The following SHANK2 variants were observed in gnomAD, a reference collection of about 807,000 sequenced individuals.
SHANK2 encodes SH3 and multiple ankyrin repeat domains protein 2.
In SHANK2, 43 loss-of-function variants were observed where a neutral mutation model predicts 133.7. The ratio of observed to expected loss-of-function variants is 0.32; its 90% confidence interval spans 0.25 to 0.41. The LOEUF (loss-of-function observed/expected upper bound fraction) is 0.41. Among genes scored for constraint, SHANK2 ranks in the 10% least tolerant of loss-of-function variants. The pLI, the probability that SHANK2 is intolerant of heterozygous loss-of-function variation, is 1.00. For synonymous variants in SHANK2, 1,017 were observed against 952.8 expected (o/e 1.07, Z -1.24); for missense variants, 1,994 against 2,235.8 (o/e 0.89, Z 2.18).
At position 71,175,545 on chromosome 11, in the gene SHANK2, GGAGAGGGAGAGAGAGAGAGAGAGA is replaced by G. The variant is rs782567636; in HGVS notation, c.-12-28231_-12-28208del. ...GACAGACAGACAGACAGAGGGAGAG[GGAGAGGGAGAGAGAGAGAGAGAGA>G]GAGAGAGAGAGAGAGAGAGAGAGAG... On this transcript the variant is annotated intron_variant, in intron 2 of 25. Coordinates refer to ENST00000601538, the MANE Select transcript of SHANK2 (RefSeq NM_012309.5). The surrounding 1 kb of genome is among the most constrained non-coding windows in gnomAD (Gnocchi z 4.2). Among the ~76,000 whole-genome samples the G allele has an allele frequency of 4.0e-4, 32 of 79,358 alleles. 1 individual carries two copies. The highest frequency in any genetic ancestry group is 1.0e-3 in the East Asian group (3 of 2,934). 52.1% of individuals were successfully genotyped at this position (79,358 alleles called of 152,430 possible). A position where few individuals can be genotyped will look rare whatever the true frequency, so the allele number is the denominator to read the frequency against.
At chr11:70,635,628 G>A (rs2061065252) in intron 17 of SHANK2, 1 of 152,146 alleles carries the variant, frequency 6.6e-6, no homozygotes, top group Non-Finnish European at 1.5e-5. Context: ...TCTGGAGATG[G>A]ATGGTGGTGA....
At chr11:70,767,697 G>C (rs1295615729) in intron 14 of SHANK2, among the ~76,000 whole-genome samples, 4 of 152,110 alleles carry the variant, frequency 2.6e-5, no homozygotes, top group African/African-American at 7.2e-5. Flanking sequence ...CCAGGGGTGG[G>C]GGGGGCATGA....
In SHANK2 at chr11:70,472,704, AC is replaced by A; in HGVS notation, c.*164del. The stretch of plus-strand genomic sequence containing the variant: ...CACATGGTGAGCCAGGGGTCTGAAG[AC>A]CCAGCCATGTTGTGGACACAACTCA... On this transcript the variant is annotated 3_prime_UTR_variant, in exon 26 of 26. Coordinates refer to ENST00000601538, the MANE Select transcript of SHANK2 (RefSeq NM_012309.5). This position sits in a 1 kb window ranked among gnomAD's most constrained non-coding sequence, Gnocchi z 4.4. 1 of 715,534 alleles carries A rather than the reference AC, an allele frequency of 1.4e-6. No individual in the cohort carries two copies. The allele number at this position is 715,534 out of a possible 1,614,324, so 44.3% of individuals were successfully genotyped here.
At chr11:70,800,812 T>A (rs1356500065) in intron 13 of SHANK2, among the ~76,000 whole-genome samples, 1 of 152,196 alleles carries the variant, frequency 6.6e-6, no homozygotes, top group Non-Finnish European at 1.5e-5. Context: ...AACCCCGGGC[T>A]GCAAAGGGAG....
chr11:70,790,468 A>G (rs1020436275), intron 14 of SHANK2, among the ~76,000 whole-genome samples: 2 of 152,166 alleles, frequency 1.3e-5, no homozygotes, highest in Non-Finnish European at 2.9e-5. Context: ...GCTTGAAGTC[A>G]ACATTTTTCT....
chr11:70,601,978 T>C (rs1462316130), intron 17 of SHANK2, among the ~76,000 whole-genome samples: 1 of 152,204 alleles, frequency 6.6e-6, no homozygotes, highest in Non-Finnish European at 1.5e-5. Flanking sequence ...AAATCTCAAG[T>C]TGAAATCTAA....
Position 70,486,623 on chromosome 11 carries a change from C to T in SHANK2, c.3670G>A (p.Asp1224Asn). 7 of 1,613,406 alleles carry T rather than the reference C, an allele frequency of 4.3e-6. No homozygotes were observed. The highest frequency in any genetic ancestry group is 5.1e-6 in the Non-Finnish European group (6 of 1,180,026). Residue 1224 changes from aspartate (D) to asparagine (N), a missense_variant, in exon 25 of 26, where the codon GAC becomes AAC. Asp to Asn is a conservative substitution (Grantham distance 23, BLOSUM62 1). Transcript: ENST00000601538. The surrounding 1 kb of genome is among the most constrained non-coding windows in gnomAD (Gnocchi z 8.0). ...SPLALALSARDRAMKESQQGP... is the reference protein window; with the variant it reads ...SPLALALSARNRAMKESQQGP... ...TGTTGAGACTCCTTCATGGCTCGGT[C>T]CCTTGCGGAGAGTGCCAGGGCCAGC...
chr11:71,152,604 G>A (rs1555108307), intron 2 of SHANK2, among the ~76,000 whole-genome samples: 2 of 152,194 alleles, frequency 1.3e-5, no homozygotes, highest in African/African-American at 4.8e-5. Context: ...CCTTGGTACC[G>A]GCTCTGGGGG....
In SHANK2 at chr11:71,165,179, A is replaced by T. The variant is rs1953115942; in HGVS notation, c.-12-17841T>A. On this transcript the variant is annotated intron_variant, in intron 2 of 25. Coordinates refer to ENST00000601538, the MANE Select transcript of SHANK2 (RefSeq NM_012309.5). ...CTCCCAAGAAGCTGGGATTACAGGC[A>T]TGTGCCACCACACCCAGCTAATTTT... 2.0e-5 allele frequency among the ~76,000 whole-genome samples: 3 copies of T among 152,090 alleles called. No homozygotes were observed. In the South Asian group the frequency reaches 6.2e-4, roughly 32 times the overall value.
At chr11:70,491,347 C>T (rs1428027461) in intron 22 of SHANK2, among the ~76,000 whole-genome samples, 4 of 152,106 alleles carry the variant, frequency 2.6e-5, no homozygotes, top group African/African-American at 4.8e-5. Flanking sequence ...TCTCAGACAC[C>T]CCCCCAACTT....
chr11:70,533,518 C>T (rs2059505119), intron 17 of SHANK2, among the ~76,000 whole-genome samples: 1 of 152,194 alleles, frequency 6.6e-6, no homozygotes, highest in Non-Finnish European at 1.5e-5. Context: ...ACCCGGGGGC[C>T]CATGTCATCT....
intron 17 of SHANK2, among the ~76,000 whole-genome samples, chr11:70,580,476 A>G (rs2060169802): frequency 1.3e-5 from 2 of 152,212 alleles, no homozygotes; most frequent in Admixed American, 1.3e-4. Context: ...TGGACCGCCA[A>G]TGAGCGGCGT....
intron 14 of SHANK2, among the ~76,000 whole-genome samples, chr11:70,746,908 T>C (rs1946649932): frequency 1.3e-5 from 2 of 151,596 alleles, no homozygotes; most frequent in South Asian, 4.2e-4. Context: ...GAGGGTGGCT[T>C]GTCTGCTTCC....
intron 1 of SHANK2, among the ~76,000 whole-genome samples, chr11:71,230,249 T>C (rs886252036): frequency 1.3e-5 from 2 of 152,070 alleles, no homozygotes; most frequent in African/African-American, 4.8e-5. Context: ...GAGATGCCAC[T>C]GCACTCCAGC....
At chr11:70,775,120 C>T (rs1169868107) in intron 14 of SHANK2, among the ~76,000 whole-genome samples, 3 of 152,098 alleles carry the variant, frequency 2.0e-5, no homozygotes, top group Admixed American at 1.3e-4. Flanking sequence ...GATTGCACCA[C>T]CGCACTCCAG....
intron 11 of SHANK2, among the ~76,000 whole-genome samples, chr11:70,855,827 G>A (rs1555066708): frequency 4.6e-5 from 7 of 152,138 alleles, no homozygotes; most frequent in Non-Finnish European, 1.0e-4. Flanking sequence ...GGATGGATGG[G>A]TGGGTGGATA....
At chr11:70,507,732 G>T (rs138308361) in intron 17 of SHANK2, among the ~76,000 whole-genome samples, 1 of 152,352 alleles carries the variant, frequency 6.6e-6, no homozygotes, top group African/African-American at 2.4e-5. Flanking sequence ...CAAAAGCCAG[G>T]AAAGTGGCCC....
chr11:71,168,741 G>C (rs1005701757), intron 2 of SHANK2, among the ~76,000 whole-genome samples: 103 of 152,214 alleles, frequency 6.8e-4, no homozygotes, highest in African/African-American at 2.4e-3. Flanking sequence ...AGGAGAATCA[G>C]GCAGCAGTAC....
intron 9 of SHANK2, among the ~76,000 whole-genome samples, chr11:71,065,779 A>G (rs1341739042): frequency 2.4e-3 from 59 of 25,098 alleles, no homozygotes; most frequent in Admixed American, 3.8e-3. Context: ...GTTGGGGAGG[A>G]GGGGTACAGA....
Sources: allele counts gnomAD v4.1 joint callset (sites outside exome capture counted in the v4.1 genomes callset), GRCh38; gene constraint gnomAD v4.1.1; non-coding constraint Gnocchi (gnomAD v3.1); transcripts MANE v1.5; gene names NCBI Gene and HGNC (gene_info 2026-07-23, HGNC 2026-07-21).